The following PRKCH variants were observed in gnomAD, a reference collection of about 807,000 sequenced individuals.
PRKCH encodes protein kinase C eta type.
In PRKCH, 28 loss-of-function variants were observed where a neutral mutation model predicts 82.5. The ratio of observed to expected loss-of-function variants is 0.34; its 90% confidence interval spans 0.25 to 0.47. PRKCH has a LOEUF of 0.47. Among genes scored for constraint, PRKCH ranks in the 20% least tolerant of loss-of-function variants. The pLI, the probability that PRKCH is intolerant of heterozygous loss-of-function variation, is 1.00. For missense variants in PRKCH, 705 were observed against 881.8 expected (o/e 0.80, Z 2.54); for synonymous variants, 322 against 327.4 (o/e 0.98, Z 0.18).
chr14:61,266,215 C>T (rs868733454), intron 1 of PRKCH, among the ~76,000 whole-genome samples: 4 of 151,750 alleles, frequency 2.6e-5, no homozygotes, highest in African/African-American at 7.3e-5. Flanking sequence ...GTCAGGGGTT[C>T]GACACTAGCC....
At chr14:61,266,687 C>T (rs2045104749) in intron 1 of PRKCH, among the ~76,000 whole-genome samples, 2 of 152,156 alleles carry the variant, frequency 1.3e-5, no homozygotes, top group Admixed American at 6.5e-5. Context: ...GGAATTGTCT[C>T]ACGAGAATAT....
At chr14:61,339,459 G>A (rs2045902032) in intron 1 of PRKCH, among the ~76,000 whole-genome samples, 1 of 150,312 alleles carries the variant, frequency 6.7e-6, no homozygotes, top group Non-Finnish European at 1.5e-5. Context: ...GAGTAGCTGG[G>A]ACTACAGGCG....
intron 9 of PRKCH, among the ~76,000 whole-genome samples, chr14:61,471,835 G>T (rs193150052): frequency 6.6e-6 from 1 of 152,074 alleles, no homozygotes; most frequent in Non-Finnish European, 1.5e-5. Context: ...TTCCCAGGGG[G>T]GAAGAATCTC....
chr14:61,451,427 T>C (rs551331772), intron 6 of PRKCH, among the ~76,000 whole-genome samples: 64 of 152,304 alleles, frequency 4.2e-4, no homozygotes, highest in African/African-American at 1.5e-3. Flanking sequence ...AATGGCAGAA[T>C]AGATCTGATG....
intron 9 of PRKCH, among the ~76,000 whole-genome samples, chr14:61,483,562 T>G (rs776826988): frequency 6.6e-6 from 1 of 152,224 alleles, no homozygotes; most frequent in African/African-American, 2.4e-5. Context: ...TTTTTTCTTC[T>G]AATTAAGGCG....
intron 1 of PRKCH, among the ~76,000 whole-genome samples, chr14:61,211,000 G>T (rs1290428559): frequency 6.6e-6 from 1 of 152,116 alleles, no homozygotes; most frequent in Non-Finnish European, 1.5e-5. Context: ...TCTTGTGTTG[G>T]GGCAGCAGTT....
chr14:61,503,578 T>C (rs916997571), intron 10 of PRKCH, among the ~76,000 whole-genome samples: 1 of 152,126 alleles, frequency 6.6e-6, no homozygotes, highest in Non-Finnish European at 1.5e-5. Context: ...AAATATGAAG[T>C]GTGTATAATC....
Position 61,453,294 on chromosome 14 carries a change from G to T in PRKCH, c.901G>T (p.Glu301Ter). The T allele has an allele frequency of 6.2e-7, 1 of 1,614,126 alleles. No homozygotes were observed. The highest frequency in any genetic ancestry group is 8.5e-7 in the Non-Finnish European group (1 of 1,180,016). ...CCCTAACTGTGGGGTAAATGCGGTG[G>T]AACTTGCCAAGACCCTGGCAGGGAT... ...VAPNCGVNAV[E>*]LAKTLAGMGL... Residue 301 changes from glutamate (E) to a stop codon, truncating the protein, a stop_gained, in exon 7 of 14, where the codon GAA becomes TAA. Coordinates refer to ENST00000332981, the MANE Select transcript of PRKCH (RefSeq NM_006255.5). LOFTEE classifies it high-confidence loss of function.
At chr14:61,345,091 T>C (rs1467446937) in intron 1 of PRKCH, among the ~76,000 whole-genome samples, 1 of 152,178 alleles carries the variant, frequency 6.6e-6, no homozygotes, top group African/African-American at 2.4e-5. Flanking sequence ...TAACAAATTA[T>C]TTCCCTCTTT....
At chr14:61,539,336 A>G (rs117498462) in intron 12 of PRKCH, among the ~76,000 whole-genome samples, 2,014 of 152,336 alleles carry the variant, frequency 0.013, 19 homozygotes, top group Non-Finnish European at 0.022. Flanking sequence ...AGTCACAGAC[A>G]GCATGGAAAA....
At chr14:61,204,470 A>G (rs2044506694) in intron 1 of PRKCH, among the ~76,000 whole-genome samples, 1 of 152,186 alleles carries the variant, frequency 6.6e-6, no homozygotes, top group Non-Finnish European at 1.5e-5. Context: ...AAAATGGTCA[A>G]CAGGCCAGGT....
At chr14:61,193,527 T>C (rs76120129) in intron 1 of PRKCH, among the ~76,000 whole-genome samples, 8,673 of 151,854 alleles carry the variant, frequency 0.057, 840 homozygotes, top group African/African-American at 0.2. Context: ...TGTTTTAGAA[T>C]ATTAAAAAAA....
intron 1 of PRKCH, among the ~76,000 whole-genome samples, chr14:61,311,965 G>A (rs1249185440): frequency 6.6e-6 from 1 of 152,160 alleles, no homozygotes; most frequent in Non-Finnish European, 1.5e-5. Flanking sequence ...ACTATCATGA[G>A]AACAATGTGA....
intron 1 of PRKCH, among the ~76,000 whole-genome samples, chr14:61,348,457 C>T (rs1032243961): frequency 6.6e-6 from 1 of 152,214 alleles, no homozygotes; most frequent in African/African-American, 2.4e-5. Context: ...GCCTCCACCT[C>T]TGATGCTTGG....
intron 1 of PRKCH, among the ~76,000 whole-genome samples, chr14:61,210,080 A>T (rs1256031587): frequency 7.0e-6 from 1 of 142,390 alleles, no homozygotes; most frequent in Non-Finnish European, 1.5e-5. Context: ...CTACTAAAAC[A>T]AAAACAAAAA....
Position 61,338,346 on chromosome 14 carries a change from C to G in PRKCH, c.363+15882C>G, listed in dbSNP as rs146849791. Among the ~76,000 whole-genome samples, 1,280 of 152,292 alleles carry G rather than the reference C, an allele frequency of 8.4e-3. 14 individuals are homozygous for G. Among genetic ancestry groups the G allele is most frequent in the African/African-American group, 0.029 (1,219 of 41,548 alleles). ...GGTTTTCGCTTGAAAAATTCATATT[C>G]AGGTACAGATTTACTTTTTTTTGGT... On this transcript the variant is annotated intron_variant, in intron 1 of 13. Coordinates refer to ENST00000332981, the MANE Select transcript of PRKCH (RefSeq NM_006255.5).
Position 61,280,734 on chromosome 14 carries a change from G to A in PRKCH, c.-19+93066G>A. 1 of 1,574,714 alleles carries A rather than the reference G, an allele frequency of 6.4e-7. No individual in the cohort carries two copies. Among genetic ancestry groups the A allele is most frequent in the Non-Finnish European group, 8.6e-7 (1 of 1,165,646 alleles). ...ACTCGTTGACAGGGTGGCGCAGCGC[G>A]CTGGGGAGTCCGCTCAGCTGCGCGT... On this transcript the variant is annotated intron_variant, in intron 1 of 3. Coordinates refer to the PRKCH transcript ENST00000555185. This position sits in a 1 kb window ranked among gnomAD's most constrained non-coding sequence, Gnocchi z 5.0.
chr14:61,275,929 C>T (rs921303468), intron 1 of PRKCH, among the ~76,000 whole-genome samples: 2 of 152,168 alleles, frequency 1.3e-5, no homozygotes, highest in Admixed American at 6.5e-5. Flanking sequence ...CCGCTAATGA[C>T]GGCAATCTTA....
chr14:61,313,543 C>T (rs1291116246), intron 1 of PRKCH, among the ~76,000 whole-genome samples: 1 of 152,074 alleles, frequency 6.6e-6, no homozygotes, highest in Non-Finnish European at 1.5e-5. Flanking sequence ...TGATCAGCCT[C>T]AACCTCCTAG....
Sources: gnomAD v4.1 joint callset for allele counts (sites outside exome capture counted in the v4.1 genomes callset) on GRCh38, gnomAD v4.1.1 for gene constraint, Gnocchi (gnomAD v3.1) non-coding constraint, MANE v1.5 for transcripts, NCBI Gene and HGNC (gene_info 2026-07-23, HGNC 2026-07-21) for gene names.